CIMAP1D: variants seen among roughly 807,000 people sequenced by gnomAD.
CIMAP1D encodes the protein CIMAP1 family member D, also known as protein CIMAP1D.
At chr19:471,481 C>A in the CIMAP1D span, among the ~76,000 whole-genome samples, 1 of 152,040 alleles carries the variant, frequency 6.6e-6, no homozygotes, top group African/African-American at 2.4e-5. Context: ...CTCACTCTGT[C>A]GCCCAGGCTG....
the CIMAP1D span, among the ~76,000 whole-genome samples, chr19:480,726 T>C: frequency 7.1e-6 from 1 of 140,276 alleles, no homozygotes; most frequent in Non-Finnish European, 1.5e-5. Context: ...GTGGGAAGGA[T>C]GATGGGAAGG....
the CIMAP1D span, among the ~76,000 whole-genome samples, chr19:483,377 C>T: frequency 6.6e-6 from 1 of 152,146 alleles, no homozygotes; most frequent in South Asian, 2.1e-4. Flanking sequence ...TACAGACGCC[C>T]ATCCTGGCTG....
At chr19:482,589 G>A in the CIMAP1D span, among the ~76,000 whole-genome samples, 1 of 141,068 alleles carries the variant, frequency 7.1e-6, no homozygotes, top group African/African-American at 2.5e-5. Context: ...ACTGCATACA[G>A]GGTGAGATCG....
chr19:467,637 T>C, the CIMAP1D span: 2 of 1,583,222 alleles, frequency 1.3e-6, no homozygotes, highest in South Asian at 2.2e-5. Flanking sequence ...GCTGCTTGGC[T>C]CCAGTACTCA....
the CIMAP1D span, among the ~76,000 whole-genome samples, chr19:480,745 GAACGATGATGGAGAACGATGATGGAA>G: frequency 1.1e-5 from 1 of 92,478 alleles, no homozygotes; most frequent in Non-Finnish European, 2.3e-5. Flanking sequence ...GGATGATGGA[GAACGATGATGGAGAACGATGATGGAA>G]AACGATGATG....
At chr19:488,107 C>T in the CIMAP1D span, among the ~76,000 whole-genome samples, 1 of 152,184 alleles carries the variant, frequency 6.6e-6, no homozygotes, top group Non-Finnish European at 1.5e-5. Flanking sequence ...ACTCGGGGAG[C>T]TCGGCTCTTG....
chr19:478,046 A>G, the CIMAP1D span, among the ~76,000 whole-genome samples: 2 of 152,182 alleles, frequency 1.3e-5, no homozygotes, highest in African/African-American at 4.8e-5. Context: ...CCCCCAGCCC[A>G]CAGGCCCTGT....
the CIMAP1D span, among the ~76,000 whole-genome samples, chr19:482,619 C>G: frequency 0.16 from 24,654 of 152,136 alleles, 4,426 homozygotes; most frequent in African/African-American, 0.44. Context: ...CCTTGGCATA[C>G]AGCAGATTAC....
At chr19:467,537 AC>A in the CIMAP1D span, 1 of 793,174 alleles carries the variant, frequency 1.3e-6, no homozygotes, top group Non-Finnish European at 2.2e-6. Flanking sequence ...CACTCCAAAG[AC>A]TCTGCATTCT....
At chr19:477,366 G>T in the CIMAP1D span, among the ~76,000 whole-genome samples, 1 of 152,280 alleles carries the variant, frequency 6.6e-6, no homozygotes, top group East Asian at 1.9e-4. Context: ...TTGAGATCAG[G>T]AGTTCGAGAC....
the CIMAP1D span, among the ~76,000 whole-genome samples, chr19:487,994 A>T: frequency 6.6e-6 from 1 of 152,106 alleles, no homozygotes; most frequent in Non-Finnish European, 1.5e-5. Flanking sequence ...TTGCCGGTGC[A>T]TGCAGCCCCC....
chr19:480,506 A>T, the CIMAP1D span, among the ~76,000 whole-genome samples: 3 of 148,836 alleles, frequency 2.0e-5, no homozygotes, highest in African/African-American at 7.6e-5. Flanking sequence ...ATGATGGAGA[A>T]GGATGATGGG....
At chr19:468,773 C>A in the CIMAP1D span, among the ~76,000 whole-genome samples, 1 of 152,194 alleles carries the variant, frequency 6.6e-6, no homozygotes. Flanking sequence ...CAGTGAGCCA[C>A]GGGTGAGGGA....
At chr19:484,143 T>C in the CIMAP1D span, among the ~76,000 whole-genome samples, 30 of 92,558 alleles carry the variant, frequency 3.2e-4, no homozygotes, top group East Asian at 5.5e-3. Context: ...CTTTTTCTTT[T>C]TTTTTTTTTT....
the CIMAP1D span, among the ~76,000 whole-genome samples, chr19:477,630 CA>C: frequency 1.3e-5 from 2 of 152,070 alleles, no homozygotes; most frequent in African/African-American, 2.4e-5. Context: ...CTCCCCATCC[CA>C]AAAAAGCTGG....
chr19:479,123 T>G, the CIMAP1D span, among the ~76,000 whole-genome samples: 1 of 152,044 alleles, frequency 6.6e-6, no homozygotes, highest in Non-Finnish European at 1.5e-5. Context: ...AGCAAACTGT[T>G]CTCGTAAATG....
At chr19:488,776 C>T in the CIMAP1D span, among the ~76,000 whole-genome samples, 1 of 152,192 alleles carries the variant, frequency 6.6e-6, no homozygotes, top group Non-Finnish European at 1.5e-5. Flanking sequence ...AGTCTCCGCC[C>T]GGGGACACCA....
chr19:472,788 G>C, the CIMAP1D span, among the ~76,000 whole-genome samples: 1 of 151,588 alleles, frequency 6.6e-6, no homozygotes, highest in Non-Finnish European at 1.5e-5. Context: ...GTCACAGGTG[G>C]GGAAACTGAG....
chr19:479,322 A>G, the CIMAP1D span, among the ~76,000 whole-genome samples: 1 of 151,222 alleles, frequency 6.6e-6, no homozygotes, highest in African/African-American at 2.4e-5. Flanking sequence ...TACCCAATAA[A>G]TACTAAGGGC....
Sources: gnomAD v4.1 joint callset for allele counts (sites outside exome capture counted in the v4.1 genomes callset) on GRCh38, gnomAD v4.1.1 for gene constraint, MANE v1.5 for transcripts, NCBI Gene and HGNC (gene_info 2026-07-23, HGNC 2026-07-21) for gene names.